ATXN2: variants seen among roughly 807,000 people sequenced by gnomAD.
ATXN2 encodes the protein ataxin 2.
Under a neutral mutation model 138.6 loss-of-function variants are expected in ATXN2, and 37 were observed. The observed-to-expected ratio is 0.27, with a 90% CI of 0.21 to 0.35. The LOEUF is 0.35. ATXN2 is among the 10% of genes least tolerant of loss of function. The pLI is 1.00. For missense variants in ATXN2, 1,216 were observed against 1,480.3 expected, an observed-to-expected ratio of 0.82 and a Z score of 2.93; for synonymous variants, 549 against 543.7, an observed-to-expected ratio of 1.01 and a Z score of -0.13.
chr12:111,547,150 C>T (rs1592887688), intron 5 of ATXN2, among the ~76,000 whole-genome samples: 1 of 152,182 alleles, frequency 6.6e-6, no homozygotes, highest in East Asian at 1.9e-4. Flanking sequence ...CCCCAGCAGC[C>T]GAGTGTGGTG....
rs533666242 is a variant in ATXN2 at position 111,547,777 on chromosome 12, T to TA, written c.571+4502dup. ...TTTCCCCAAAAATAAAGCCAAAGAT[T>TA]AAAAAAAAAAAAAAAAAACTTGAAC... is the stretch of plus-strand genomic sequence containing the variant. On this transcript the variant is annotated intron_variant, in intron 5 of 24. Coordinates refer to ENST00000673436, the MANE Select transcript of ATXN2 (RefSeq NM_001372574.1). Among the ~76,000 whole-genome samples the TA allele has an allele frequency of 0.055, 4,891 of 88,964 alleles. 585 individuals carry two copies. In the East Asian group the frequency reaches 0.56, roughly 10 times the overall value. The allele number at this position is 88,964 out of a possible 152,430, so 58.4% of individuals were successfully genotyped here. A position where few individuals can be genotyped will look rare whatever the true frequency, so the allele number is the denominator to read the frequency against.
chr12:111,462,610 A>C (rs893893125), intron 21 of ATXN2, among the ~76,000 whole-genome samples: 10 of 152,228 alleles, frequency 6.6e-5, no homozygotes, highest in African/African-American at 2.2e-4. Context: ...GCAGCAGATT[A>C]AATTAGCAGC....
rs1442368839 is a variant in ATXN2 at position 111,585,818 on chromosome 12, A to C, written c.251+12966T>G. ...CTCCATCTCAAAAAAAAAAAAAAAAAAAAAAAAAAAAACCTCCCAGAATGG... is the reference window on the plus strand; with the variant it reads ...CTCCATCTCAAAAAAAAAAAAAAAACAAAAAAAAAAAACCTCCCAGAATGG... On this transcript the variant is annotated intron_variant, in intron 1 of 24. Coordinates refer to ENST00000673436, the MANE Select transcript of ATXN2 (RefSeq NM_001372574.1). Among the ~76,000 whole-genome samples the C allele has an allele frequency of 4.0e-5, 6 of 150,696 alleles. No individual in the cohort carries two copies. In the East Asian group the frequency reaches 5.8e-4, roughly 15 times the overall value.
At chr12:111,528,747 G>GA (rs1880644590) in intron 5 of ATXN2, among the ~76,000 whole-genome samples, 1 of 152,254 alleles carries the variant, frequency 6.6e-6, no homozygotes, top group Non-Finnish European at 1.5e-5. Context: ...AAGATGTGCA[G>GA]AAGTGGAGAG....
intron 1 of ATXN2, among the ~76,000 whole-genome samples, chr12:111,592,322 C>T (rs961046643): frequency 2.6e-5 from 4 of 151,588 alleles, no homozygotes; most frequent in South Asian, 4.2e-4. Flanking sequence ...ACCTGGGAGG[C>T]GGAGGTTGCA....
chr12:111,493,077 T>C (rs1220030088), intron 14 of ATXN2, among the ~76,000 whole-genome samples: 1 of 152,108 alleles, frequency 6.6e-6, no homozygotes, highest in Non-Finnish European at 1.5e-5. Flanking sequence ...AGCAGAAATG[T>C]ATCAAGCAGC....
Position 111,554,215 on chromosome 12 carries a change from A to T in ATXN2, c.291T>A (p.Ile97=). 7.0e-7 allele frequency: 1 copy of T among 1,428,252 alleles called. No homozygotes were observed. The highest frequency in any genetic ancestry group is 9.3e-7 in the Non-Finnish European group (1 of 1,072,932). 88.5% of individuals were successfully genotyped at this position (1,428,252 alleles called of 1,614,324 possible). A position where few individuals can be genotyped will look rare whatever the true frequency, so the allele number is the denominator to read the frequency against. ...TATTTGCATAGATTCCATCAAAAGA[A>T]ATCTGGAATATTAAAAAAAAAAAAA... ...NSNKGLPQST[I]SFDGIYANMR... The change falls in exon 3 of 25, where the codon ATT becomes ATA. Residue 97 remains isoleucine (I), a splice_region_variant and synonymous_variant. Coordinates refer to ENST00000673436, the MANE Select transcript of ATXN2 (RefSeq NM_001372574.1).
intron 18 of ATXN2, among the ~76,000 whole-genome samples, chr12:111,484,409 T>C (rs1592818747): frequency 6.6e-6 from 1 of 151,892 alleles, no homozygotes; most frequent in South Asian, 2.1e-4. Flanking sequence ...CCAATTAGTC[T>C]GGTTTTTTTG....
chr12:111,580,275 G>T (rs1883921147), intron 1 of ATXN2, among the ~76,000 whole-genome samples: 1 of 151,980 alleles, frequency 6.6e-6, no homozygotes, highest in Non-Finnish European at 1.5e-5. Context: ...GAGCCCAGGA[G>T]TTTGACACCA....
chr12:111,526,726 T>C (rs909242604), intron 5 of ATXN2, among the ~76,000 whole-genome samples: 2 of 152,202 alleles, frequency 1.3e-5, no homozygotes, highest in African/African-American at 4.8e-5. Context: ...TTTTGTTTAA[T>C]GGATGCACTA....
At chr12:111,521,988 A>G (rs1880182281) in intron 6 of ATXN2, among the ~76,000 whole-genome samples, 1 of 152,202 alleles carries the variant, frequency 6.6e-6, no homozygotes, top group African/African-American at 2.4e-5. Context: ...TATAAAGTCC[A>G]GTAAAGGTTG....
intron 1 of ATXN2, among the ~76,000 whole-genome samples, chr12:111,579,354 C>G (rs1883855702): frequency 6.6e-6 from 1 of 152,064 alleles, no homozygotes; most frequent in African/African-American, 2.4e-5. Context: ...CCTCTGCCTC[C>G]CGGGTTCAAG....
intron 5 of ATXN2, among the ~76,000 whole-genome samples, chr12:111,538,245 T>C (rs192101280): frequency 4.3e-4 from 66 of 152,356 alleles, no homozygotes; most frequent in African/African-American, 1.6e-3. Context: ...AGTATTTATT[T>C]TCCTTACTAA....
chr12:111,545,746 C>T (rs1172131574), intron 5 of ATXN2, among the ~76,000 whole-genome samples: 1 of 151,314 alleles, frequency 6.6e-6, no homozygotes, highest in Non-Finnish European at 1.5e-5. Flanking sequence ...ACTCTTAGGC[C>T]CAGCAGTTTG....
chr12:111,524,764 C>T (rs1442929396), intron 6 of ATXN2, among the ~76,000 whole-genome samples: 1 of 152,170 alleles, frequency 6.6e-6, no homozygotes, highest in African/African-American at 2.4e-5. Context: ...TTAATGACAA[C>T]CTTTTCTTCA....
intron 16 of ATXN2, 49 bp downstream of exon 16, chr12:111,486,712 T>C: frequency 1.3e-6 from 2 of 1,487,702 alleles, no homozygotes; most frequent in Non-Finnish European, 9.3e-7. Flanking sequence ...TTACTAATAA[T>C]TTTTCTTTTT....
intron 5 of ATXN2, among the ~76,000 whole-genome samples, chr12:111,536,654 T>G (rs778354585): frequency 6.6e-6 from 1 of 151,990 alleles, no homozygotes; most frequent in Non-Finnish European, 1.5e-5. Context: ...CCAACAGTTA[T>G]GTAAAAGGTT....
intron 1 of ATXN2, among the ~76,000 whole-genome samples, chr12:111,589,014 A>AAAAC (rs1884500496): frequency 6.9e-6 from 1 of 144,536 alleles, no homozygotes; most frequent in Non-Finnish European, 1.5e-5. Flanking sequence ...AAAAAAAAAA[A>AAAAC]AAAAAAAAAA....
chr12:111,506,706 G>C (rs955144455), intron 14 of ATXN2, among the ~76,000 whole-genome samples: 9 of 137,460 alleles, frequency 6.5e-5, no homozygotes, highest in Non-Finnish European at 1.2e-4. Flanking sequence ...GTCTCCCTCT[G>C]ATGCCGAGCC....
Sources: gnomAD v4.1 joint callset for allele counts (sites outside exome capture counted in the v4.1 genomes callset) on GRCh38, gnomAD v4.1.1 for gene constraint, MANE v1.5 for transcripts, NCBI Gene and HGNC (gene_info 2026-07-23, HGNC 2026-07-21) for gene names.